Variants in CNTN5 observed in about 807,000 individuals in gnomAD.
CNTN5 encodes contactin-5.
A neutral mutation model predicts 129.1 loss-of-function variants in CNTN5; 77 were observed. That is an observed-to-expected ratio of 0.60 (90% confidence interval 0.50 to 0.72). The LOEUF (loss-of-function observed/expected upper bound fraction) is 0.72, where lower values mean the gene tolerates loss of function less well. Ranked by LOEUF, CNTN5 falls within the 30% of genes least tolerant of loss-of-function variation. CNTN5 has a pLI of 0.00. For synonymous variants in CNTN5, 509 were observed against 465.6 expected, an observed-to-expected ratio of 1.09 and a Z score of -1.20; for missense variants, 1,478 against 1,328.8, an observed-to-expected ratio of 1.11 and a Z score of -1.75.
intron 13 of CNTN5, among the ~76,000 whole-genome samples, chr11:100,089,984 A>G (rs1314032109): frequency 6.6e-6 from 1 of 152,150 alleles, no homozygotes; most frequent in East Asian, 1.9e-4. Context: ...GCAGCAAACC[A>G]CCATGGCAGA....
intron 1 of CNTN5, among the ~76,000 whole-genome samples, chr11:99,192,293 C>T (rs558564690): frequency 2.0e-5 from 3 of 151,746 alleles, no homozygotes; most frequent in African/African-American, 7.2e-5. Flanking sequence ...GGATAAAATG[C>T]CTAGACACAG....
At chr11:100,026,761 T>A (rs1265705193) in intron 9 of CNTN5, among the ~76,000 whole-genome samples, 1 of 152,188 alleles carries the variant, frequency 6.6e-6, no homozygotes, top group Admixed American at 6.5e-5. Context: ...AGAGTCCCTT[T>A]TATATTTTGG....
intron 1 of CNTN5, among the ~76,000 whole-genome samples, chr11:99,233,975 T>C (rs1861139109): frequency 6.7e-6 from 1 of 149,798 alleles, no homozygotes; most frequent in Non-Finnish European, 1.5e-5. Context: ...TAAATAATAA[T>C]TTGTTTTAAC....
At chr11:100,287,524 G>A (rs1433835769) in intron 18 of CNTN5, among the ~76,000 whole-genome samples, 5 of 150,390 alleles carry the variant, frequency 3.3e-5, no homozygotes, top group African/African-American at 1.2e-4. Context: ...ATAAGTGAAG[G>A]AGAAATAAAA....
intron 6 of CNTN5, among the ~76,000 whole-genome samples, chr11:99,913,366 A>G (rs1949709905): frequency 6.6e-6 from 1 of 152,018 alleles, no homozygotes; most frequent in East Asian, 1.9e-4. Flanking sequence ...ACTTTTCTTT[A>G]TGGTAGGAAA....
At chr11:99,980,783 T>C (rs1046913524) in intron 8 of CNTN5, among the ~76,000 whole-genome samples, 1 of 152,048 alleles carries the variant, frequency 6.6e-6, no homozygotes, top group Non-Finnish European at 1.5e-5. Flanking sequence ...TTTAGTCCTC[T>C]TATTATATAT....
At chr11:100,263,396 C>A (rs1345783285) in intron 17 of CNTN5, among the ~76,000 whole-genome samples, 1 of 152,012 alleles carries the variant, frequency 6.6e-6, no homozygotes, top group African/African-American at 2.4e-5. Context: ...GTATGAAACA[C>A]TGTAATATCA....
chr11:99,100,300 G>T (rs950541209), intron 1 of CNTN5, among the ~76,000 whole-genome samples: 1 of 151,872 alleles, frequency 6.6e-6, no homozygotes, highest in Admixed American at 6.6e-5. Flanking sequence ...ATAATATAAA[G>T]CAAATTCCAG....
At chr11:100,191,302 T>C (rs200766408) in intron 14 of CNTN5, 49 bp downstream of exon 14, 2 of 1,519,192 alleles carry the variant, frequency 1.3e-6, no homozygotes, top group East Asian at 2.3e-5. Flanking sequence ...CATGGTCTTA[T>C]CGGAAAGAGA....
chr11:99,771,821 C>T (rs900744056), intron 3 of CNTN5, among the ~76,000 whole-genome samples: 4 of 151,616 alleles, frequency 2.6e-5, no homozygotes, highest in Admixed American at 6.6e-5. Context: ...ATGGCAACTG[C>T]GTGAGGTGAT....
At chr11:99,134,068 A>T (rs1239967317) in intron 1 of CNTN5, among the ~76,000 whole-genome samples, 1 of 152,222 alleles carries the variant, frequency 6.6e-6, no homozygotes, top group East Asian at 1.9e-4. Context: ...AATACTACGC[A>T]GCTATGAAAA....
chr11:99,290,041 G>A (rs1362506245), intron 1 of CNTN5, among the ~76,000 whole-genome samples: 3 of 151,622 alleles, frequency 2.0e-5, no homozygotes, highest in Non-Finnish European at 3.0e-5. Flanking sequence ...TACATCTGAA[G>A]TTATTAAAAA....
Position 99,216,881 on chromosome 11 carries a change from G to A in CNTN5, c.-209-108465G>A, listed in dbSNP as rs1010152652. On this transcript the variant is annotated intron_variant, in intron 1 of 24. Transcript: ENST00000524871. ...TATTTACAAACTACCCATCTGATAG[G>A]TGATTAATAATTAAAGTATACGGCC... 2.6e-5 allele frequency among the ~76,000 whole-genome samples: 4 copies of A among 151,972 alleles called. No individual in the cohort carries two copies. In the East Asian group the frequency reaches 5.8e-4, roughly 22 times the overall value.
intron 2 of CNTN5, among the ~76,000 whole-genome samples, chr11:99,356,067 C>T (rs1039844621): frequency 9.1e-4 from 139 of 152,076 alleles, no homozygotes; most frequent in African/African-American, 3.3e-3. Flanking sequence ...ACCTCGTGAT[C>T]TACCTGCCTC....
intron 3 of CNTN5, among the ~76,000 whole-genome samples, chr11:99,805,405 A>T (rs1946238908): frequency 6.6e-6 from 1 of 152,206 alleles, no homozygotes; most frequent in African/African-American, 2.4e-5. Context: ...AAACCGAAAC[A>T]ATCAACCTAT....
At chr11:100,296,779 CAAGT>C (rs1214591614) in intron 18 of CNTN5, among the ~76,000 whole-genome samples, 2 of 151,442 alleles carry the variant, frequency 1.3e-5, no homozygotes, top group Admixed American at 1.3e-4. Context: ...CCTTTCATTC[CAAGT>C]AAGTAATATA....
intron 16 of CNTN5, among the ~76,000 whole-genome samples, chr11:100,228,690 G>T (rs903514470): frequency 6.6e-6 from 1 of 152,092 alleles, no homozygotes; most frequent in Non-Finnish European, 1.5e-5. Context: ...TCTGTGTCGG[G>T]CACTGAAGTC....
intron 3 of CNTN5, among the ~76,000 whole-genome samples, chr11:99,687,407 A>T (rs1177217747): frequency 1.3e-5 from 2 of 152,154 alleles, no homozygotes; most frequent in African/African-American, 2.4e-5. Context: ...AATTTGCCTC[A>T]TTGTATGTAA....
chr11:99,930,353 C>A (rs911640538), intron 7 of CNTN5, among the ~76,000 whole-genome samples: 2 of 152,230 alleles, frequency 1.3e-5, no homozygotes, highest in African/African-American at 4.8e-5. Flanking sequence ...CCATTTTGAC[C>A]CTTACTGTGT....
Sources: allele counts gnomAD v4.1 joint callset (sites outside exome capture counted in the v4.1 genomes callset), GRCh38; gene constraint gnomAD v4.1.1; transcripts MANE v1.5; gene names NCBI Gene and HGNC (gene_info 2026-07-23, HGNC 2026-07-21).